RARS2: variants seen among roughly 807,000 people sequenced by gnomAD.
The protein encoded by RARS2 is arginyl-tRNA synthetase 2, mitochondrial.
RARS2 carries 67 observed loss-of-function variants against 88.5 expected under a neutral mutation model. That is an observed-to-expected ratio of 0.76 (90% CI 0.62 to 0.93). The LOEUF (loss-of-function observed/expected upper bound fraction) is 0.93, where lower values mean the gene tolerates loss of function less well. RARS2 is among the 40% of genes least tolerant of loss of function. RARS2 has a pLI of 0.00. For synonymous variants in RARS2, 239 were observed against 230.3 expected (o/e 1.04, Z -0.34); for missense variants, 664 against 684.2 (o/e 0.97, Z 0.33).
At chr6:87,567,179 G>A (rs1438804075) in intron 2 of RARS2, among the ~76,000 whole-genome samples, 3 of 152,194 alleles carry the variant, frequency 2.0e-5, no homozygotes, top group Non-Finnish European at 2.9e-5. Context: ...TTGAACCCAG[G>A]AGGCGGAGGT....
rs1057470152 is a variant in RARS2 at position 87,548,657 on chromosome 6, A to C, written c.396-11T>G. The C allele has an allele frequency of 6.2e-7, 1 of 1,611,244 alleles. No individual in the cohort carries two copies. Among genetic ancestry groups the C allele is most frequent in the Non-Finnish European group, 8.5e-7 (1 of 1,178,372 alleles). ...GCAACATTAGGTGAACTGCAAAAAA[A>C]ATGGGAAACATTTCTCTATTCTAAG... On this transcript the variant is annotated splice_polypyrimidine_tract_variant and intron_variant, in intron 5 of 19. Coordinates refer to ENST00000369536, the MANE Select transcript of RARS2 (RefSeq NM_020320.5).
At chr6:87,566,345 A>G (rs1441911227) in intron 2 of RARS2, among the ~76,000 whole-genome samples, 1 of 152,206 alleles carries the variant, frequency 6.6e-6, no homozygotes, top group East Asian at 1.9e-4. Flanking sequence ...AAAAAAGTAA[A>G]AAATACATCA....
intron 5 of RARS2, among the ~76,000 whole-genome samples, chr6:87,554,754 T>G (rs1001441800): frequency 1.3e-5 from 2 of 152,274 alleles, no homozygotes; most frequent in East Asian, 3.9e-4. Context: ...GTCTGGCCAC[T>G]TTAAAATTCC....
Position 87,531,078 on chromosome 6 carries a change from CTT to C in RARS2, c.613-138_613-137del, listed in dbSNP as rs572065129. 2.4e-4 allele frequency: 328 copies of C among 1,394,566 alleles called. 1 individual carries two copies. The Middle Eastern group carries it at 4.9e-3, about 21-fold the overall frequency. 86.4% of individuals were successfully genotyped at this position (1,394,566 alleles called of 1,614,324 possible). On this transcript the variant is annotated intron_variant, in intron 8 of 19. Coordinates refer to ENST00000369536, the MANE Select transcript of RARS2 (RefSeq NM_020320.5). Reference sequence around the variant, plus strand: ...AAGTTGGGTACATTACAGAGTGTAACTTTTTCTTTTTTGCCATGGGCCCCTGG... The same window carrying C: ...AAGTTGGGTACATTACAGAGTGTAACTTTCTTTTTTGCCATGGGCCCCTGG...
chr6:87,585,648 C>T (rs1308858524), intron 1 of RARS2, among the ~76,000 whole-genome samples: 4 of 152,028 alleles, frequency 2.6e-5, no homozygotes, highest in African/African-American at 9.7e-5. Flanking sequence ...GGGAGAATGG[C>T]GTGAACCCAG....
intron 16 of RARS2, 171 bp from the exon 17 acceptor site, chr6:87,518,435 T>C: frequency 7.0e-7 from 1 of 1,421,778 alleles, no homozygotes; most frequent in Non-Finnish European, 9.4e-7. Flanking sequence ...AGGACTAAGA[T>C]AATACACATA....
intron 17 of RARS2, 132 bp downstream of exon 17, chr6:87,518,037 A>T: frequency 6.5e-7 from 1 of 1,545,074 alleles, no homozygotes; most frequent in Non-Finnish European, 8.8e-7. Flanking sequence ...ATCACTTTTT[A>T]AGGCATACCT....
chr6:87,556,415 C>T (rs1785904993), intron 4 of RARS2, among the ~76,000 whole-genome samples: 2 of 152,014 alleles, frequency 1.3e-5, no homozygotes, highest in South Asian at 2.1e-4. Context: ...GACCTTCCTA[C>T]CTAAGCAATC....
intron 1 of RARS2, among the ~76,000 whole-genome samples, chr6:87,579,768 C>A (rs1296177663): frequency 2.4e-5 from 3 of 127,646 alleles, no homozygotes; most frequent in Non-Finnish European, 4.6e-5. Flanking sequence ...CGCTCTGTCG[C>A]CAGGCTGGAG....
intron 7 of RARS2, among the ~76,000 whole-genome samples, chr6:87,542,667 A>G (rs1781367348): frequency 6.6e-6 from 1 of 151,900 alleles, no homozygotes; most frequent in African/African-American, 2.4e-5. Flanking sequence ...AAAAGAAAAA[A>G]AAAAACCCAA....
At chr6:87,550,994 T>TA (rs1262316374) in intron 5 of RARS2, among the ~76,000 whole-genome samples, 3 of 151,974 alleles carry the variant, frequency 2.0e-5, no homozygotes, top group Non-Finnish European at 4.4e-5. Flanking sequence ...TCTGAATTTT[T>TA]AAAAAACTAG....
At chr6:87,516,998 G>A in intron 17 of RARS2, 118 bp from the exon 18 acceptor site, 1 of 1,454,152 alleles carries the variant, frequency 6.9e-7, no homozygotes, top group Non-Finnish European at 9.3e-7. Flanking sequence ...AGAAGGTATG[G>A]CCAGGCGCAG....
At chr6:87,534,785 A>G (rs554912358) in intron 8 of RARS2, among the ~76,000 whole-genome samples, 1 of 152,296 alleles carries the variant, frequency 6.6e-6, no homozygotes, top group African/African-American at 2.4e-5. Flanking sequence ...GAAGCTAGGA[A>G]GCCCCTGGGG....
At chr6:87,561,358 A>T (rs925657829) in intron 4 of RARS2, among the ~76,000 whole-genome samples, 16 of 152,244 alleles carry the variant, frequency 1.1e-4, no homozygotes, top group Non-Finnish European at 1.5e-4. Context: ...AAAAATATAC[A>T]GCCTATCAAT....
intron 10 of RARS2, among the ~76,000 whole-genome samples, chr6:87,525,733 G>A (rs1402895950): frequency 6.6e-6 from 1 of 151,784 alleles, no homozygotes; most frequent in Non-Finnish European, 1.5e-5. Context: ...TTTTAGTAGA[G>A]ACAGGTTTTC....
chr6:87,555,375 A>G, intron 5 of RARS2, 33 bp downstream of exon 5: 1 of 1,541,650 alleles, frequency 6.5e-7, no homozygotes, highest in Non-Finnish European at 9.0e-7. Context: ...AGTCAACTTG[A>G]TTAAGCAACA....
Position 87,521,542 on chromosome 6 carries a change from T to C in RARS2, c.975-18A>G. Reference sequence around the variant, plus strand: ...CAAGATCTCTGAAACAAAGTGGCCATAAACCAAGAGTTACTAAGCAGATCC... The same window carrying C: ...CAAGATCTCTGAAACAAAGTGGCCACAAACCAAGAGTTACTAAGCAGATCC... On this transcript the variant is annotated intron_variant, in intron 11 of 19. Transcript: ENST00000369536. The C allele has an allele frequency of 6.2e-7, 1 of 1,605,664 alleles. No individual in the cohort carries two copies.
chr6:87,585,940 C>T (rs1270451609), intron 1 of RARS2, among the ~76,000 whole-genome samples: 3 of 152,004 alleles, frequency 2.0e-5, no homozygotes, highest in Non-Finnish European at 2.9e-5. Flanking sequence ...AAAGACCCTG[C>T]TATGTTAGAA....
Position 87,516,813 on chromosome 6 carries a change from T to A in RARS2, c.1579A>T (p.Thr527Ser). Residue 527 changes from threonine (T) to serine (S), a missense_variant, in exon 18 of 20, where the codon ACT (threonine) becomes TCT (serine). Physicochemically the swap from Thr to Ser is moderately conservative, Grantham distance 58. Coordinates refer to ENST00000369536, the MANE Select transcript of RARS2 (RefSeq NM_020320.5). ...AGGAAGATTATAAAGTACCTTAAAG[T>A]TAGAAGGTAACTGACGATATGCCTG... Reference protein sequence around the residue: ...QPRHIVSYLLTLSHLAAVAHK... With the variant: ...QPRHIVSYLLSLSHLAAVAHK... 1.2e-6 allele frequency: 2 copies of A among 1,613,530 alleles called. No individual in the cohort carries two copies. Among genetic ancestry groups the A allele is most frequent in the Non-Finnish European group, 1.7e-6 (2 of 1,179,716 alleles).
Sources: gnomAD v4.1 joint callset for allele counts (sites outside exome capture counted in the v4.1 genomes callset) on GRCh38, gnomAD v4.1.1 for gene constraint, MANE v1.5 for transcripts, NCBI Gene and HGNC (gene_info 2026-07-23, HGNC 2026-07-21) for gene names.